COL21A1: variants seen among roughly 807,000 people sequenced by gnomAD.
COL21A1 encodes collagen type XXI alpha 1 chain.
In COL21A1, 149 loss-of-function variants were observed where a neutral mutation model predicts 137.9. That is an observed-to-expected ratio of 1.08 (90% CI 0.95 to 1.24). The LOEUF (loss-of-function observed/expected upper bound fraction) is 1.24. COL21A1 is among the 50% of genes most tolerant of loss of function. COL21A1 has a pLI of 0.00. For missense variants in COL21A1, 1,167 were observed against 1,158.4 expected, an observed-to-expected ratio of 1.01 and a Z score of -0.11; for synonymous variants, 456 against 391.5, an observed-to-expected ratio of 1.16 and a Z score of -1.95.
At chr6:56,324,707 ACT>A (rs1184429559) in intron 1 of COL21A1, among the ~76,000 whole-genome samples, 1 of 151,908 alleles carries the variant, frequency 6.6e-6, no homozygotes, top group Non-Finnish European at 1.5e-5. Flanking sequence ...TCACTTGGAC[ACT>A]CTACACGAAT....
At chr6:56,098,717 A>G (rs2152157993) in intron 17 of COL21A1, among the ~76,000 whole-genome samples, 1 of 112,266 alleles carries the variant, frequency 8.9e-6, no homozygotes, top group African/African-American at 3.4e-5. Flanking sequence ...AAATATATAT[A>G]AATATATATA....
intron 1 of COL21A1, among the ~76,000 whole-genome samples, chr6:56,303,152 G>C (rs1764345526): frequency 6.6e-6 from 1 of 152,192 alleles, no homozygotes; most frequent in Non-Finnish European, 1.5e-5. Context: ...ATAGTTTGAA[G>C]TCAGGTAGCG....
At chr6:56,378,736 C>A (rs917891888) in intron 1 of COL21A1, among the ~76,000 whole-genome samples, 1 of 152,148 alleles carries the variant, frequency 6.6e-6, no homozygotes, top group African/African-American at 2.4e-5. Flanking sequence ...CGAACATACG[C>A]AATAGCCAGA....
chr6:56,077,846 A>C, intron 17 of COL21A1: 1 of 294,496 alleles, frequency 3.4e-6, no homozygotes, highest in Non-Finnish European at 6.2e-6. Context: ...ACCCCAACAC[A>C]TGAGTGATAA....
intron 17 of COL21A1, among the ~76,000 whole-genome samples, chr6:56,100,098 T>C (rs1770316735): frequency 6.6e-6 from 1 of 152,254 alleles, no homozygotes; most frequent in Non-Finnish European, 1.5e-5. Context: ...GCCAAGTTTC[T>C]ACCTTTACTT....
chr6:56,336,174 G>A (rs1050061545), intron 1 of COL21A1, among the ~76,000 whole-genome samples: 8 of 152,116 alleles, frequency 5.3e-5, no homozygotes, highest in Non-Finnish European at 1.2e-4. Flanking sequence ...CAAATTCTCT[G>A]ACCACTTCCC....
intron 20 of COL21A1, among the ~76,000 whole-genome samples, chr6:56,073,004 A>T (rs2114105790): frequency 6.6e-6 from 1 of 151,606 alleles, no homozygotes; most frequent in South Asian, 2.1e-4. Flanking sequence ...AATCTGCTTA[A>T]GTGGTAGACA....
chr6:56,238,772 A>G (rs1297343633), intron 1 of COL21A1, among the ~76,000 whole-genome samples: 1 of 152,176 alleles, frequency 6.6e-6, no homozygotes, highest in African/African-American at 2.4e-5. Context: ...AGTTACATGA[A>G]GAATATTCTC....
At chr6:56,267,772 AG>A (rs11296232) in intron 1 of COL21A1, among the ~76,000 whole-genome samples, 25,152 of 122,296 alleles carry the variant, frequency 0.21, 2,783 homozygotes, top group Non-Finnish European at 0.28. Context: ...AAAAAAAAAA[AG>A]AAGAAGAAGA....
rs757113358 is a variant in COL21A1 at position 56,060,732 on chromosome 6, G to T, written c.2407+9C>A. ...GAAAAGTTATTAAAATGCTATATTT[G>T]ATACCTACCTCTTATTACATCTGTG... is the stretch of plus-strand genomic sequence containing the variant. On this transcript the variant is annotated intron_variant, in intron 27 of 29. Coordinates refer to ENST00000244728, the MANE Select transcript of COL21A1 (RefSeq NM_030820.4). 76 of 1,592,140 alleles carry T rather than the reference G, an allele frequency of 4.8e-5. No homozygotes were observed. Among genetic ancestry groups the T allele is most frequent in the Non-Finnish European group, 6.3e-5 (74 of 1,172,166 alleles).
At chr6:56,136,299 T>C (rs1017287704) in intron 12 of COL21A1, among the ~76,000 whole-genome samples, 2 of 152,204 alleles carry the variant, frequency 1.3e-5, no homozygotes, top group African/African-American at 2.4e-5. Flanking sequence ...CTTGTTACTG[T>C]AGCATAAGCT....
chr6:56,244,777 C>T (rs549045877), intron 1 of COL21A1, among the ~76,000 whole-genome samples: 2 of 152,142 alleles, frequency 1.3e-5, no homozygotes, highest in South Asian at 2.1e-4. Context: ...TTCAACTTAT[C>T]GCTAAAATAA....
chr6:56,103,934 G>C (rs1212921356), intron 16 of COL21A1, among the ~76,000 whole-genome samples: 1 of 152,120 alleles, frequency 6.6e-6, no homozygotes, highest in Non-Finnish European at 1.5e-5. Context: ...ACAACACTTT[G>C]AGAAACACTA....
At chr6:56,229,046 A>AT (rs144995519) in intron 1 of COL21A1, among the ~76,000 whole-genome samples, 2,220 of 152,002 alleles carry the variant, frequency 0.015, 52 homozygotes, top group African/African-American at 0.051. Context: ...TGGATATGTA[A>AT]TTTTTATTTT....
At chr6:56,090,169 G>A (rs1286243820) in intron 17 of COL21A1, among the ~76,000 whole-genome samples, 1 of 152,146 alleles carries the variant, frequency 6.6e-6, no homozygotes, top group Non-Finnish European at 1.5e-5. Context: ...AACCCAGGAG[G>A]CAGAGGTTGC....
chr6:56,281,440 A>T (rs1017957089), intron 1 of COL21A1, among the ~76,000 whole-genome samples: 1 of 152,218 alleles, frequency 6.6e-6, no homozygotes, highest in African/African-American at 2.4e-5. Flanking sequence ...AACAGTGGGC[A>T]TCACCCCAAC....
chr6:56,391,273 C>T (rs1304247678), intron 1 of COL21A1, among the ~76,000 whole-genome samples: 1 of 151,814 alleles, frequency 6.6e-6, no homozygotes, highest in African/African-American at 2.4e-5. Context: ...GTGAAACATA[C>T]CAAAACTTAC....
chr6:56,173,906 C>T (rs910507344), intron 3 of COL21A1, among the ~76,000 whole-genome samples: 2 of 152,060 alleles, frequency 1.3e-5, no homozygotes. Flanking sequence ...CCTTCAATTG[C>T]ACATGAAACA....
intron 1 of COL21A1, among the ~76,000 whole-genome samples, chr6:56,193,760 GTTTTTTTTTT>G (rs138831794): frequency 1.4e-5 from 2 of 147,658 alleles, no homozygotes; most frequent in Non-Finnish European, 3.0e-5. Flanking sequence ...AGGTTTTTTT[GTTTTTTTTTT>G]TTTTTGAGAA....
Sources: allele counts gnomAD v4.1 joint callset (sites outside exome capture counted in the v4.1 genomes callset), GRCh38; gene constraint gnomAD v4.1.1; transcripts MANE v1.5; gene names NCBI Gene and HGNC (gene_info 2026-07-23, HGNC 2026-07-21).